PDE10A: variants seen among roughly 807,000 people sequenced by gnomAD.
PDE10A encodes phosphodiesterase 10A.
A neutral mutation model predicts 97.7 loss-of-function variants in PDE10A; 39 were observed. That is an observed-to-expected ratio of 0.40 (90% CI 0.31 to 0.52). PDE10A has a LOEUF of 0.52. Among genes scored for constraint, PDE10A ranks in the 20% least tolerant of loss-of-function variants. PDE10A has a pLI of 0.56. For missense variants in PDE10A, 731 were observed against 1,047.8 expected, an observed-to-expected ratio of 0.70 and a Z score of 4.17; for synonymous variants, 371 against 376.8, an observed-to-expected ratio of 0.98 and a Z score of 0.18.
intron 1 of PDE10A, among the ~76,000 whole-genome samples, chr6:165,962,656 A>C (rs1784395061): frequency 6.6e-6 from 1 of 152,210 alleles, no homozygotes; most frequent in Non-Finnish European, 1.5e-5. Context: ...ATCAGTCAGG[A>C]TTTAAGCTCC....
chr6:165,489,646 T>A (rs1053801294), intron 2 of PDE10A, among the ~76,000 whole-genome samples: 1 of 152,078 alleles, frequency 6.6e-6, no homozygotes, highest in African/African-American at 2.4e-5. Context: ...ATTAAGCTAA[T>A]TAAGGAGGCA....
intron 3 of PDE10A, among the ~76,000 whole-genome samples, chr6:165,466,928 T>C (rs185597502): frequency 3.5e-4 from 53 of 152,282 alleles, no homozygotes; most frequent in Non-Finnish European, 5.7e-4. Flanking sequence ...TTAGTGAAGT[T>C]GTGAACGCAA....
chr6:165,532,674 G>A (rs1031218582), intron 2 of PDE10A, among the ~76,000 whole-genome samples: 3 of 152,042 alleles, frequency 2.0e-5, no homozygotes, highest in Admixed American at 6.6e-5. Flanking sequence ...TAGCAAGTCT[G>A]GGGTGAGACC....
chr6:165,790,222 A>G (rs938504963), intron 1 of PDE10A, among the ~76,000 whole-genome samples: 4 of 152,220 alleles, frequency 2.6e-5, no homozygotes, highest in African/African-American at 7.2e-5. Flanking sequence ...CATCGTATTC[A>G]TCCAATGCTG....
intron 1 of PDE10A, chr6:165,910,987 C>T (rs1486576584): frequency 6.6e-6 from 1 of 152,022 alleles, no homozygotes; most frequent in East Asian, 1.9e-4. Context: ...CAAGTGGCAG[C>T]TAACAATCTA....
In PDE10A at chr6:165,953,095, G is replaced by A. The variant is rs543158423; in HGVS notation, c.-615+34434C>T. On this transcript the variant is annotated intron_variant, in intron 1 of 19. Transcript: ENST00000366882. ...TCTATTGAAGCTAATCAACTTCTCGGCATTGTAGTTTGCACTTAGGACTTG... is the reference window on the plus strand; with the variant it reads ...TCTATTGAAGCTAATCAACTTCTCGACATTGTAGTTTGCACTTAGGACTTG... Among the ~76,000 whole-genome samples, 18 of 152,246 alleles carry A rather than the reference G, an allele frequency of 1.2e-4. No homozygotes were observed. In the Middle Eastern group the frequency reaches 0.017, roughly 144 times the overall value.
At position 165,467,353 on chromosome 6, in the gene PDE10A, G is replaced by A. The variant is rs545235893; in HGVS notation, c.1023+14962C>T. Reference sequence around the variant, plus strand: ...CGAAACATTCTTACAACACTGAGGTGTCATCTAGGACCCTTATAACTGGAG... The same window carrying A: ...CGAAACATTCTTACAACACTGAGGTATCATCTAGGACCCTTATAACTGGAG... On this transcript the variant is annotated intron_variant, in intron 3 of 21. Coordinates refer to ENST00000539869, the MANE Select transcript of PDE10A (RefSeq NM_001385079.1). Among the ~76,000 whole-genome samples, 9 of 152,342 alleles carry A rather than the reference G, an allele frequency of 5.9e-5. No homozygotes were observed. In the East Asian group the frequency reaches 1.2e-3, roughly 20 times the overall value.
chr6:165,651,395 T>C (rs1789679406), intron 1 of PDE10A, among the ~76,000 whole-genome samples: 1 of 152,218 alleles, frequency 6.6e-6, no homozygotes. Context: ...AGGAACTCTT[T>C]ATATATTAAG....
At chr6:165,460,374 C>T (rs2128258121) in intron 3 of PDE10A, among the ~76,000 whole-genome samples, 1 of 152,306 alleles carries the variant, frequency 6.6e-6, no homozygotes, top group East Asian at 1.9e-4. Flanking sequence ...AAGCACAAAG[C>T]ACAGCTCCTG....
chr6:165,930,023 C>T (rs139184429), intron 1 of PDE10A, among the ~76,000 whole-genome samples: 47 of 147,544 alleles, frequency 3.2e-4, no homozygotes, highest in African/African-American at 1.1e-3. Flanking sequence ...TGACCAGGCA[C>T]ATATCACTCC....
chr6:165,686,869 T>A (rs906428868), intron 1 of PDE10A, among the ~76,000 whole-genome samples: 8 of 152,238 alleles, frequency 5.3e-5, no homozygotes, highest in Non-Finnish European at 8.8e-5. Context: ...ACGTGTGAGC[T>A]GCAGAGCCAC....
chr6:165,443,608 G>A (rs1790630360), intron 5 of PDE10A, among the ~76,000 whole-genome samples: 1 of 152,206 alleles, frequency 6.6e-6, no homozygotes, highest in Non-Finnish European at 1.5e-5. Flanking sequence ...ACTCTGTGTG[G>A]GGGACCAAAT....
At chr6:165,897,342 G>A (rs182248342) in intron 1 of PDE10A, among the ~76,000 whole-genome samples, 1 of 152,008 alleles carries the variant, frequency 6.6e-6, no homozygotes, top group East Asian at 1.9e-4. Context: ...CACCTGGGGA[G>A]GGATGCCATA....
chr6:165,818,042 G>A (rs997052104), intron 1 of PDE10A, among the ~76,000 whole-genome samples: 3 of 152,182 alleles, frequency 2.0e-5, no homozygotes, highest in East Asian at 1.9e-4. Context: ...CTCTCTGAGC[G>A]AAGCAAGCTG....
chr6:165,663,670 C>T (rs1240256929), upstream of PDE10A, among the ~76,000 whole-genome samples: 5 of 152,184 alleles, frequency 3.3e-5, no homozygotes, highest in Non-Finnish European at 7.3e-5. Context: ...AAATACGGTT[C>T]CTCCCCAGGA....
chr6:165,542,539 CA>C (rs1276362949), intron 2 of PDE10A, among the ~76,000 whole-genome samples: 6 of 148,232 alleles, frequency 4.0e-5, no homozygotes, highest in Admixed American at 4.0e-4. Context: ...GCCAGGATCT[CA>C]AAAGTTAAAA....
intron 1 of PDE10A, among the ~76,000 whole-genome samples, chr6:165,548,358 G>A (rs532354491): frequency 2.6e-4 from 37 of 144,100 alleles, no homozygotes; most frequent in African/African-American, 7.8e-4. Flanking sequence ...GCAGTAGCTC[G>A]GAATTTCATT....
chr6:165,617,871 T>C (rs1452367506), intron 1 of PDE10A, among the ~76,000 whole-genome samples: 1 of 152,136 alleles, frequency 6.6e-6, no homozygotes, highest in Admixed American at 6.5e-5. Context: ...GTGTCAACAG[T>C]GAAATGATCA....
chr6:165,367,202 A>G (rs1484101236), intron 18 of PDE10A, among the ~76,000 whole-genome samples: 6 of 150,864 alleles, frequency 4.0e-5, no homozygotes, highest in Non-Finnish European at 8.9e-5. Flanking sequence ...AAATCCCAGA[A>G]CTTGAAAATA....
Sources: gnomAD v4.1 joint callset for allele counts (sites outside exome capture counted in the v4.1 genomes callset) on GRCh38, gnomAD v4.1.1 for gene constraint, MANE v1.5 for transcripts, NCBI Gene and HGNC (gene_info 2026-07-23, HGNC 2026-07-21) for gene names.